The following TGFBR3 variants were observed in gnomAD, a reference collection of about 807,000 sequenced individuals.
The protein encoded by TGFBR3 is transforming growth factor beta receptor 3, also known as transforming growth factor beta receptor type 3.
In TGFBR3, 46 loss-of-function variants were observed where a neutral mutation model predicts 87.9. The ratio of observed to expected loss-of-function variants is 0.52; its 90% CI spans 0.41 to 0.67. The LOEUF (loss-of-function observed/expected upper bound fraction) is 0.67. Among genes scored for constraint, TGFBR3 ranks in the 30% least tolerant of loss-of-function variants. The probability of loss-of-function intolerance (pLI) is 0.00; values close to 1 mark genes in which losing one functional copy is unlikely to be tolerated. For missense variants in TGFBR3, 866 were observed against 1,041.9 expected (o/e 0.83, Z 2.32); for synonymous variants, 381 against 391.6 (o/e 0.97, Z 0.32).
At chr1:91,772,716 T>C (rs1441608338) in intron 3 of TGFBR3, among the ~76,000 whole-genome samples, 1 of 152,172 alleles carries the variant, frequency 6.6e-6, no homozygotes, top group African/African-American at 2.4e-5. Context: ...CTCTACTTTA[T>C]CATCTCTAAG....
At chr1:91,745,758 C>G (rs1157400072) in intron 4 of TGFBR3, among the ~76,000 whole-genome samples, 1 of 152,204 alleles carries the variant, frequency 6.6e-6, no homozygotes, top group Non-Finnish European at 1.5e-5. Flanking sequence ...TAACATATAT[C>G]ATGACTCAAT....
intron 3 of TGFBR3, among the ~76,000 whole-genome samples, chr1:91,771,756 A>G (rs1185967021): frequency 2.0e-5 from 3 of 151,872 alleles, no homozygotes; most frequent in Non-Finnish European, 4.4e-5. Context: ...TGAATACTAC[A>G]CAAACTGTGA....
At chr1:91,694,644 C>T (rs1019185226) in intron 16 of TGFBR3, among the ~76,000 whole-genome samples, 20 of 152,216 alleles carry the variant, frequency 1.3e-4, no homozygotes, top group African/African-American at 4.8e-4. Flanking sequence ...TTTAAATCAG[C>T]CATCCTTTCA....
rs185172434 is a variant in TGFBR3 at position 91,702,976 on chromosome 1, C to T, written c.2288-4846G>A. Among the ~76,000 whole-genome samples the T allele has an allele frequency of 9.2e-5, 14 of 152,014 alleles. 1 individual carries two copies. In the East Asian group the frequency reaches 2.5e-3, roughly 27 times the overall value. On this transcript the variant is annotated intron_variant, in intron 14 of 16. Transcript: ENST00000212355. ...AGGAGAATCACTTGAACCCAGGAGGCGGAGGTTGCAGTGAGCCGAGATTGC... is the reference window on the plus strand; with the variant it reads ...AGGAGAATCACTTGAACCCAGGAGGTGGAGGTTGCAGTGAGCCGAGATTGC...
intron 1 of TGFBR3, among the ~76,000 whole-genome samples, chr1:91,862,347 T>TA (rs2101198903): frequency 6.6e-6 from 1 of 152,282 alleles, no homozygotes; most frequent in East Asian, 1.9e-4. Context: ...TCTAATGTTA[T>TA]AATAACAGGG....
intron 3 of TGFBR3, among the ~76,000 whole-genome samples, chr1:91,768,472 C>T (rs1409257794): frequency 1.3e-5 from 2 of 152,166 alleles, no homozygotes; most frequent in African/African-American, 2.4e-5. Flanking sequence ...GGATCTGTGT[C>T]CCCACCCAAA....
chr1:91,770,835 T>C (rs1048619199), intron 3 of TGFBR3: 33 of 152,188 alleles, frequency 2.2e-4, no homozygotes, highest in African/African-American at 7.7e-4. Flanking sequence ...TGTGTACACA[T>C]ACTTACCACA....
chr1:91,692,913 G>C (rs1296432057), intron 16 of TGFBR3, among the ~76,000 whole-genome samples: 1 of 152,198 alleles, frequency 6.6e-6, no homozygotes, highest in South Asian at 2.1e-4. Context: ...ATTAAGGATT[G>C]TTTTTCACAC....
chr1:91,720,447 T>C (rs977544451), intron 8 of TGFBR3, among the ~76,000 whole-genome samples: 16 of 152,386 alleles, frequency 1.0e-4, no homozygotes, highest in African/African-American at 3.6e-4. Flanking sequence ...GGCTTGCTTC[T>C]CTGTGCCTCA....
chr1:91,889,428 A>G (rs1169826780), upstream of TGFBR3, among the ~76,000 whole-genome samples: 2 of 152,116 alleles, frequency 1.3e-5, no homozygotes, highest in Admixed American at 6.6e-5. Flanking sequence ...TGGCAAAATA[A>G]AAGGGCTCTT....
At chr1:91,724,263 A>T (rs1423957310) in intron 7 of TGFBR3, among the ~76,000 whole-genome samples, 1 of 152,254 alleles carries the variant, frequency 6.6e-6, no homozygotes, top group Non-Finnish European at 1.5e-5. Flanking sequence ...GGAAAGAGCT[A>T]AAATGAGATC....
intron 3 of TGFBR3, among the ~76,000 whole-genome samples, chr1:91,782,486 C>G (rs559207041): frequency 6.6e-6 from 1 of 152,186 alleles, no homozygotes; most frequent in Non-Finnish European, 1.5e-5. Context: ...CCTTCAGAAA[C>G]TGCTGCCTCC....
At chr1:91,755,791 A>G (rs1673719370) in intron 4 of TGFBR3, among the ~76,000 whole-genome samples, 1 of 152,246 alleles carries the variant, frequency 6.6e-6, no homozygotes, top group Non-Finnish European at 1.5e-5. Flanking sequence ...CCAGGCAGCG[A>G]TAAGTACAAC....
At chr1:91,810,184 G>A (rs284150) in intron 2 of TGFBR3, among the ~76,000 whole-genome samples, 18,715 of 152,000 alleles carry the variant, frequency 0.12, 1,440 homozygotes, top group East Asian at 0.38. Context: ...TCGGCCTCCC[G>A]AATAGCTGAG....
At chr1:91,845,422 T>C (rs186039922) in intron 2 of TGFBR3, among the ~76,000 whole-genome samples, 5 of 152,198 alleles carry the variant, frequency 3.3e-5, no homozygotes, top group African/African-American at 4.8e-5. Flanking sequence ...TAACACTCAA[T>C]TGGCTTTTAG....
chr1:91,810,654 T>C (rs1196607716), intron 2 of TGFBR3, among the ~76,000 whole-genome samples: 3 of 152,166 alleles, frequency 2.0e-5, no homozygotes, highest in African/African-American at 7.2e-5. Context: ...GCTAATTCTC[T>C]AAGGACTATG....
intron 14 of TGFBR3, among the ~76,000 whole-genome samples, chr1:91,703,804 A>G (rs1671702253): frequency 6.6e-6 from 1 of 152,182 alleles, no homozygotes; most frequent in Admixed American, 6.6e-5. Context: ...TTTGTCATAA[A>G]CCATAATATG....
intron 2 of TGFBR3, among the ~76,000 whole-genome samples, chr1:91,838,527 C>T (rs770693014): frequency 2.0e-5 from 3 of 149,258 alleles, no homozygotes; most frequent in Admixed American, 2.0e-4. Context: ...GGGGCAAACT[C>T]GGCGCACTGC....
At chr1:91,872,886 T>G (rs1194257041) in intron 1 of TGFBR3, among the ~76,000 whole-genome samples, 1 of 152,076 alleles carries the variant, frequency 6.6e-6, no homozygotes, top group East Asian at 1.9e-4. Context: ...GTCAGTGTTC[T>G]AGTCCAACGA....
Sources: gnomAD v4.1 joint callset for allele counts (sites outside exome capture counted in the v4.1 genomes callset) on GRCh38, gnomAD v4.1.1 for gene constraint, MANE v1.5 for transcripts, NCBI Gene and HGNC (gene_info 2026-07-23, HGNC 2026-07-21) for gene names.